RNF19A: variants seen among roughly 807,000 people sequenced by gnomAD.
RNF19A encodes the protein ring finger protein 19A, RBR E3 ubiquitin protein ligase.
Under a neutral mutation model 75.7 loss-of-function variants are expected in RNF19A, and 32 were observed. The ratio of observed to expected loss-of-function variants is 0.42; its 90% CI spans 0.32 to 0.57. RNF19A has a LOEUF of 0.57. Among genes scored for constraint, RNF19A ranks in the 20% least tolerant of loss-of-function variants. The probability of loss-of-function intolerance (pLI) is 0.10; values close to 1 mark genes in which losing one functional copy is unlikely to be tolerated. For missense variants in RNF19A, 782 were observed against 1,036.3 expected (o/e 0.75, Z 3.37); for synonymous variants, 335 against 345.2 (o/e 0.97, Z 0.33).
chr8:100,313,133 A>G (rs1307382742), upstream of RNF19A, among the ~76,000 whole-genome samples: 3 of 152,124 alleles, frequency 2.0e-5, no homozygotes, highest in Admixed American at 1.3e-4. Context: ...CATCAATTCG[A>G]TAAACATTTG....
chr8:100,299,722 C>T (rs1478076657), intron 1 of RNF19A, among the ~76,000 whole-genome samples: 2 of 151,956 alleles, frequency 1.3e-5, no homozygotes, highest in Non-Finnish European at 1.5e-5. Flanking sequence ...TGTGCCATTG[C>T]ACTCCAGCCC....
At chr8:100,320,037 T>C (rs1015836264) in intron 1 of RNF19A, among the ~76,000 whole-genome samples, 7 of 151,354 alleles carry the variant, frequency 4.6e-5, no homozygotes, top group Non-Finnish European at 8.8e-5. Flanking sequence ...AGTTTCACCA[T>C]GTTGGCCAGG....
chr8:100,311,155 G>C (rs796500964), upstream of RNF19A, among the ~76,000 whole-genome samples: 5 of 152,200 alleles, frequency 3.3e-5, no homozygotes, highest in South Asian at 1.0e-3. Context: ...CTTTCCGAAT[G>C]TACTTGGTAT....
chr8:100,258,626 A>G lies in RNF19A; in HGVS notation c.2447T>C (p.Leu816Pro), dbSNP rs1329987518. Reference protein sequence around the residue: ...PNVDLYFGDALKETNNNHSHQ... With the variant: ...PNVDLYFGDAPKETNNNHSHQ... ...TGAGTGGTTGTTATTTGTTTCTTTT[A>G]GTGCATCGCCAAAATATAAATCAAC... The change falls in exon 10 of 10, where the codon CTA becomes CCA. Residue 816 changes from leucine to proline, a missense_variant. This residue lies in a region of RNF19A where 442 missense variants were observed against 541.6 expected (regional missense o/e 0.82). Coordinates refer to ENST00000341084, the MANE Select transcript of RNF19A (RefSeq NM_183419.4). The surrounding 1 kb of genome is among the most constrained non-coding windows in gnomAD (Gnocchi z 4.3). The G allele has an allele frequency of 5.6e-6, 9 of 1,614,070 alleles. No homozygotes were observed. The South Asian group carries it at 6.6e-5, about 12-fold the overall frequency.
At chr8:100,283,997 G>C (rs1185634054) in intron 2 of RNF19A, among the ~76,000 whole-genome samples, 1 of 151,920 alleles carries the variant, frequency 6.6e-6, no homozygotes, top group African/African-American at 2.4e-5. Context: ...GCTTCAATAG[G>C]TCAGGGATTT....
At chr8:100,285,650 T>A (rs78920522) in intron 2 of RNF19A, among the ~76,000 whole-genome samples, 2 of 151,906 alleles carry the variant, frequency 1.3e-5, no homozygotes, top group Non-Finnish European at 1.5e-5. Flanking sequence ...TTTTTTTTTT[T>A]AAGACAGGGC....
chr8:100,264,877 T>G lies in RNF19A; in HGVS notation c.1192-92A>C. 1.0e-6 allele frequency: 1 copy of G among 975,292 alleles called. No individual in the cohort carries two copies. The highest frequency in any genetic ancestry group is 2.4e-5 in the East Asian group (1 of 41,008). 60.4% of individuals were successfully genotyped at this position (975,292 alleles called of 1,614,324 possible). Reference sequence around the variant, plus strand: ...AAAGATCTATACTTGCTAAAGTGATTTTTCATAGAAGTTCGTAGCTGAGTA... The same window carrying G: ...AAAGATCTATACTTGCTAAAGTGATGTTTCATAGAAGTTCGTAGCTGAGTA... On this transcript the variant is annotated intron_variant, in intron 5 of 9. Coordinates refer to ENST00000341084, the MANE Select transcript of RNF19A (RefSeq NM_183419.4). The surrounding 1 kb of genome is among the most constrained non-coding windows in gnomAD (Gnocchi z 4.7).
chr8:100,268,570 A>T, intron 5 of RNF19A: 1 of 361,992 alleles, frequency 2.8e-6, no homozygotes, highest in Admixed American at 4.6e-5. Context: ...CAGATTCAGA[A>T]CATTTTAAAG....
At chr8:100,321,580 G>A (rs1342603688) in intron 1 of RNF19A, among the ~76,000 whole-genome samples, 1 of 152,160 alleles carries the variant, frequency 6.6e-6, no homozygotes, top group Non-Finnish European at 1.5e-5. Flanking sequence ...TATTTTGAAC[G>A]CTTCCCATGA....
Position 100,275,232 on chromosome 8 carries a change from A to G in RNF19A, c.675-71T>C. The G allele has an allele frequency of 1.5e-6, 2 of 1,320,806 alleles. No individual in the cohort carries two copies. The highest frequency in any genetic ancestry group is 2.2e-6 in the Non-Finnish European group (2 of 928,904). The allele number at this position is 1,320,806 out of a possible 1,614,324, so 81.8% of individuals were successfully genotyped here. A position where few individuals can be genotyped will look rare whatever the true frequency, so the allele number is the denominator to read the frequency against. On this transcript the variant is annotated intron_variant, in intron 2 of 9. Transcript: ENST00000341084. This position sits in a 1 kb window ranked among gnomAD's most constrained non-coding sequence, Gnocchi z 4.3. ...AGATACTCATTTCAAAAAGTATCCA[A>G]CTAAAGATTATTCCTGAAAAACATT...
At chr8:100,298,623 CA>C (rs1821681444) in intron 1 of RNF19A, among the ~76,000 whole-genome samples, 1 of 152,118 alleles carries the variant, frequency 6.6e-6, no homozygotes, top group African/African-American at 2.4e-5. Context: ...CAAAGCCTCC[CA>C]AAAGAGGTAT....
At chr8:100,282,461 T>C (rs1032242985) in intron 2 of RNF19A, among the ~76,000 whole-genome samples, 6 of 152,172 alleles carry the variant, frequency 3.9e-5, no homozygotes, top group African/African-American at 1.4e-4. Flanking sequence ...AATTTTATGG[T>C]TAGGAAGAAT....
intron 1 of RNF19A, among the ~76,000 whole-genome samples, chr8:100,320,913 A>G (rs1822457408): frequency 6.6e-6 from 1 of 152,250 alleles, no homozygotes; most frequent in Non-Finnish European, 1.5e-5. Context: ...TAAGTGTGCA[A>G]TAGCATCACG....
intron 1 of RNF19A, among the ~76,000 whole-genome samples, chr8:100,297,818 T>C (rs1162888275): frequency 6.6e-6 from 1 of 152,192 alleles, no homozygotes; most frequent in Non-Finnish European, 1.5e-5. Flanking sequence ...CTGGAAAATA[T>C]AATAAGATGA....
chr8:100,332,940 TCA>T lies in RNF19A; in HGVS notation c.-243+3166_-243+3167del, dbSNP rs1177790102. On this transcript the variant is annotated intron_variant, in intron 1 of 3. Coordinates refer to the RNF19A transcript ENST00000519527. The surrounding 1 kb of genome is among the most constrained non-coding windows in gnomAD (Gnocchi z 4.8). ...TTTTTCTATATTGCTGTTTAATCTT[TCA>T]TTTTGTCTATGGGTTCTCTTTTTGC... is the stretch of plus-strand genomic sequence containing the variant. 3.3e-5 allele frequency among the ~76,000 whole-genome samples: 5 copies of T among 152,266 alleles called. No homozygotes were observed. Among genetic ancestry groups the T allele is most frequent in the African/African-American group, 1.2e-4 (5 of 41,482 alleles).
rs995733390 is a variant in RNF19A at position 100,260,847 on chromosome 8, C to T, written c.1682+695G>A. ...CATTAATACATAAAAGGACCCTAGC[C>T]GATTATCCCGGTCCCAGTTCACACA... On this transcript the variant is annotated intron_variant, in intron 8 of 9. Transcript: ENST00000341084. The surrounding 1 kb of genome is among the most constrained non-coding windows in gnomAD (Gnocchi z 4.1). Among the ~76,000 whole-genome samples the T allele has an allele frequency of 3.3e-5, 5 of 152,044 alleles. No individual in the cohort carries two copies. Among genetic ancestry groups the T allele is most frequent in the East Asian group, 1.9e-4 (1 of 5,174 alleles).
chr8:100,282,145 G>C (rs1316171815), intron 2 of RNF19A, among the ~76,000 whole-genome samples: 1 of 152,116 alleles, frequency 6.6e-6, no homozygotes, highest in Non-Finnish European at 1.5e-5. Context: ...ACATTCTTTA[G>C]TCAACTAATT....
At position 100,317,335 on chromosome 8, in the gene RNF19A, C is replaced by G. The variant is rs545886327; in HGVS notation, c.-242-3963G>C. On this transcript the variant is annotated intron_variant, in intron 1 of 3. Transcript: ENST00000519527. The surrounding 1 kb of genome is among the most constrained non-coding windows in gnomAD (Gnocchi z 4.3). ...GCGAGGGCTCTGAGGACTGCCAGCA[C>G]GCTGTCACCTCTCATAAGTGTTTCA... 6.6e-6 allele frequency among the ~76,000 whole-genome samples: 1 copy of G among 152,216 alleles called. No individual in the cohort carries two copies. The highest frequency in any genetic ancestry group is 1.9e-4 in the East Asian group (1 of 5,198).
intron 1 of RNF19A, among the ~76,000 whole-genome samples, chr8:100,300,917 G>A (rs1821794311): frequency 6.6e-6 from 1 of 152,172 alleles, no homozygotes. Context: ...AACTAGTCAT[G>A]TAAAGGTCCC....
Sources: allele counts gnomAD v4.1 joint callset (sites outside exome capture counted in the v4.1 genomes callset), GRCh38; gene constraint gnomAD v4.1.1; regional missense constraint gnomAD v4.1.1; non-coding constraint Gnocchi (gnomAD v3.1); transcripts MANE v1.5; gene names NCBI Gene and HGNC (gene_info 2026-07-23, HGNC 2026-07-21).